The following PIWIL1 variants were observed in gnomAD, a reference collection of about 807,000 sequenced individuals.
PIWIL1 encodes the protein piwi like RNA-mediated gene silencing 1.
PIWIL1 carries 73 observed loss-of-function variants against 114.4 expected under a neutral mutation model. The ratio of observed to expected loss-of-function variants is 0.64; its 90% CI spans 0.53 to 0.78. The LOEUF is 0.78. PIWIL1 is among the 30% of genes least tolerant of loss of function. The pLI is 0.00. For synonymous variants in PIWIL1, 375 were observed against 369.0 expected (o/e 1.02, Z -0.19); for missense variants, 723 against 1,063.1 (o/e 0.68, Z 4.45).
chr12:130,399,370 AGAG>A, the PIWIL1 span, among the ~76,000 whole-genome samples: 1 of 152,180 alleles, frequency 6.6e-6, no homozygotes, highest in Admixed American at 6.5e-5. Flanking sequence ...CCAAATCTGA[AGAG>A]GAGCCATCCC....
intron 9 of PIWIL1, among the ~76,000 whole-genome samples, chr12:130,354,330 T>C (rs1011473877): frequency 6.6e-6 from 1 of 152,150 alleles, no homozygotes; most frequent in African/African-American, 2.4e-5. Context: ...AGGAAAAAGA[T>C]AGGGCACTCA....
chr12:130,360,510 G>A (rs71466498), intron 14 of PIWIL1, among the ~76,000 whole-genome samples: 2,291 of 152,276 alleles, frequency 0.015, 21 homozygotes, highest in Non-Finnish European at 0.023. Context: ...GTGCGAACCT[G>A]TAGTCCCAGC....
At chr12:130,368,876 C>T (rs139652304) in intron 19 of PIWIL1, among the ~76,000 whole-genome samples, 1 of 151,980 alleles carries the variant, frequency 6.6e-6, no homozygotes, top group African/African-American at 2.4e-5. Context: ...CTGGAGAAGC[C>T]CACTCTTTTT....
intron 14 of PIWIL1, 148 bp downstream of exon 14, chr12:130,357,701 G>T (rs748564110): frequency 1.6e-5 from 10 of 617,514 alleles, no homozygotes; most frequent in Non-Finnish European, 2.9e-5. Flanking sequence ...CCATAAAGTA[G>T]CTAAGCTAAT....
intron 12 of PIWIL1, among the ~76,000 whole-genome samples, chr12:130,356,438 C>G (rs556390359): frequency 6.6e-6 from 1 of 152,058 alleles, no homozygotes; most frequent in East Asian, 1.9e-4. Context: ...CAGAAGACAC[C>G]GGGCTGCTCC....
At position 130,371,282 on chromosome 12, in the gene PIWIL1, C is replaced by T. The variant is rs2073810303; in HGVS notation, c.2428C>T (p.Arg810Cys). Residue 810 changes from arginine to cysteine, a missense_variant, in exon 20 of 21, where the codon CGC becomes TGC. Arg to Cys is a radical substitution (Grantham distance 180). Transcript: ENST00000245255. ...CGGCCTGAAGCCAGACCACATACAG[C>T]GCTTGACCTACAAGCTGTGCCACAT... ...NSGLKPDHIQ[R>C]LTYKLCHIYY... The T allele has an allele frequency of 1.9e-6, 3 of 1,614,160 alleles. No homozygotes were observed. The highest frequency in any genetic ancestry group is 1.3e-5 in the African/African-American group (1 of 75,058).
downstream of PIWIL1, chr12:130,372,683 T>A (rs1715183778): frequency 6.8e-6 from 1 of 147,288 alleles, no homozygotes; most frequent in Non-Finnish European, 1.5e-5. Flanking sequence ...AGAGTAAAAT[T>A]TTTTAAGGAA....
At chr12:130,397,152 T>TGAG in the PIWIL1 span, 42 of 338,134 alleles carry the variant, frequency 1.2e-4, no homozygotes, top group African/African-American at 8.9e-4. Flanking sequence ...GCTTGGACAA[T>TGAG]GAGAGCAGAC....
chr12:130,419,257 G>A, the PIWIL1 span, among the ~76,000 whole-genome samples: 4 of 152,142 alleles, frequency 2.6e-5, no homozygotes, highest in Admixed American at 2.0e-4. The surrounding 1 kb of genome is among the most constrained non-coding windows in gnomAD (Gnocchi z 4.3). Context: ...GACCCTGGGG[G>A]GAGTGGGCAC....
rs1298507282 is a variant in PIWIL1, at chr12:130,346,940, G to A, written c.532-1G>A. 3 of 1,611,298 alleles carry A rather than the reference G, an allele frequency of 1.9e-6. No individual in the cohort carries two copies. The highest frequency in any genetic ancestry group is 1.7e-5 in the Admixed American group (1 of 59,412). ...TGGGTTTTCCACCTCTCTGGCTTCA[G>A]GTTACTGAAGTTTTTAGTAAGACCC... On this transcript the variant is annotated splice_acceptor_variant, in intron 5 of 20. Transcript: ENST00000245255. LOFTEE classifies it high-confidence loss of function.
At chr12:130,338,191 C>T in intron 1 of PIWIL1, 45 bp downstream of exon 1, 2 of 265,954 alleles carry the variant, frequency 7.5e-6, no homozygotes, top group East Asian at 1.6e-4. Context: ...GGCCGGGATG[C>T]GGGGGCGGCG....
chr12:130,363,661 AG>A (rs2073578249), intron 18 of PIWIL1, among the ~76,000 whole-genome samples: 1 of 114,690 alleles, frequency 8.7e-6, no homozygotes, highest in Non-Finnish European at 1.6e-5. Flanking sequence ...TCTGTTGCCC[AG>A]GCTGCAGTGC....
chr12:130,348,198 G>T lies in PIWIL1; in HGVS notation c.734+15G>T. 6.8e-7 allele frequency: 1 copy of T among 1,477,960 alleles called. No homozygotes were observed. Among genetic ancestry groups the T allele is most frequent in the South Asian group, 1.2e-5 (1 of 86,828 alleles). The allele number at this position is 1,477,960 out of a possible 1,614,324, so 91.6% of individuals were successfully genotyped here. On this transcript the variant is annotated intron_variant, in intron 7 of 20. Transcript: ENST00000245255. The stretch of plus-strand genomic sequence containing the variant: ...CCAAGTCACAGGTTTGTATGAAGTA[G>T]AACGTTTAATATTCCTTAGGCTTAA...
chr12:130,381,955 T>C, the PIWIL1 span, among the ~76,000 whole-genome samples: 1 of 152,226 alleles, frequency 6.6e-6, no homozygotes, highest in Non-Finnish European at 1.5e-5. Context: ...TCTTCTGTGC[T>C]AAGGTACCTG....
chr12:130,395,903 T>TACTG, the PIWIL1 span, among the ~76,000 whole-genome samples: 1 of 152,302 alleles, frequency 6.6e-6, no homozygotes, highest in African/African-American at 2.4e-5. Context: ...GTAGTGCTTA[T>TACTG]ACTGACTCCG....
chr12:130,347,697 G>A (rs1365930133), intron 6 of PIWIL1, among the ~76,000 whole-genome samples: 1 of 152,142 alleles, frequency 6.6e-6, no homozygotes, highest in African/African-American at 2.4e-5. Context: ...CCCTAAACGA[G>A]GGGTTGGCAA....
the PIWIL1 span, chr12:130,399,777 T>G: frequency 6.2e-7 from 1 of 1,614,174 alleles, no homozygotes; most frequent in Non-Finnish European, 8.5e-7. Flanking sequence ...TCCAAGAAGT[T>G]TGAGGGCACA....
chr12:130,354,887 G>A lies in PIWIL1; in HGVS notation c.1172-1G>A. ...TATGCCTTTAAATGTCTTATTTAAAGGTCTAACTGATAAAATGCGTAATGA... is the reference window on the plus strand; with the variant it reads ...TATGCCTTTAAATGTCTTATTTAAAAGTCTAACTGATAAAATGCGTAATGA... On this transcript the variant is annotated splice_acceptor_variant, in intron 10 of 20. Coordinates refer to ENST00000245255, the MANE Select transcript of PIWIL1 (RefSeq NM_004764.5). LOFTEE classifies it high-confidence loss of function. The A allele has an allele frequency of 6.3e-7, 1 of 1,598,508 alleles. No individual in the cohort carries two copies. Among genetic ancestry groups the A allele is most frequent in the Non-Finnish European group, 8.6e-7 (1 of 1,166,178 alleles).
the PIWIL1 span, chr12:130,399,616 T>C: frequency 2.0e-5 from 32 of 1,566,542 alleles, no homozygotes; most frequent in Admixed American, 7.1e-5. Flanking sequence ...AGTGCAAAGA[T>C]TGTATTAGAC....
Sources: allele counts gnomAD v4.1 joint callset (sites outside exome capture counted in the v4.1 genomes callset), GRCh38; gene constraint gnomAD v4.1.1; non-coding constraint Gnocchi (gnomAD v3.1); transcripts MANE v1.5; gene names NCBI Gene and HGNC (gene_info 2026-07-23, HGNC 2026-07-21).